Variants in TAFA1 observed in about 807,000 individuals in gnomAD.
TAFA1 encodes TAFA chemokine like family member 1, also known as chemokine-like protein TAFA-1.
In TAFA1, 4 loss-of-function variants were observed where a neutral mutation model predicts 18.5. The ratio of observed to expected loss-of-function variants is 0.22; its 90% CI spans 0.11 to 0.49. TAFA1 has a LOEUF of 0.49. TAFA1 is among the 20% of genes least tolerant of loss of function. The pLI is 0.98. For missense variants in TAFA1, 147 were observed against 169.0 expected (o/e 0.87, Z 0.72); for synonymous variants, 56 against 55.2 (o/e 1.01, Z -0.06).
intron 3 of TAFA1, among the ~76,000 whole-genome samples, chr3:68,451,902 T>C (rs747932485): frequency 1.4e-4 from 22 of 152,198 alleles, no homozygotes; most frequent in Non-Finnish European, 3.2e-4. Flanking sequence ...TGGGAGACCA[T>C]ACATTTAATG....
intron 3 of TAFA1, among the ~76,000 whole-genome samples, chr3:68,452,843 T>C (rs1394585287): frequency 6.6e-6 from 1 of 152,214 alleles, no homozygotes; most frequent in Non-Finnish European, 1.5e-5. Context: ...GCAATCATTA[T>C]TTAAGGCATT....
chr3:68,435,872 A>G (rs1427774905), intron 3 of TAFA1, among the ~76,000 whole-genome samples: 1 of 152,204 alleles, frequency 6.6e-6, no homozygotes, highest in Admixed American at 6.5e-5. Context: ...GGGAAATTAA[A>G]GAGTACGATT....
At chr3:68,478,916 GTATA>G (rs71112646) in intron 3 of TAFA1, among the ~76,000 whole-genome samples, 3 of 146,678 alleles carry the variant, frequency 2.0e-5, no homozygotes, top group African/African-American at 5.0e-5. Flanking sequence ...GTATATGTGT[GTATA>G]TATATATATA....
intron 2 of TAFA1, among the ~76,000 whole-genome samples, chr3:68,387,586 G>A (rs2070131978): frequency 6.6e-6 from 1 of 152,082 alleles, no homozygotes; most frequent in Non-Finnish European, 1.5e-5. Context: ...ACATTATGAT[G>A]GGTGCTGGGG....
rs566915692 is a variant in TAFA1, at chr3:68,322,395, C to A, written c.119-94885C>A. 2.0e-5 allele frequency among the ~76,000 whole-genome samples: 3 copies of A among 152,344 alleles called. No homozygotes were observed. In the South Asian group the frequency reaches 6.2e-4, roughly 32 times the overall value. On this transcript the variant is annotated intron_variant, in intron 2 of 4. Transcript: ENST00000478136. The stretch of plus-strand genomic sequence containing the variant: ...TATACCCTTAGGAAGACACATACTT[C>A]ACTCAAGGAAGCCGGAGAGTCAAGT...
intron 2 of TAFA1, among the ~76,000 whole-genome samples, chr3:68,248,866 G>A (rs556378863): frequency 1.3e-5 from 2 of 152,148 alleles, no homozygotes; most frequent in Non-Finnish European, 1.5e-5. Context: ...TAGTTTTCCT[G>A]TCCAGCCCAC....
intron 2 of TAFA1, among the ~76,000 whole-genome samples, chr3:68,065,454 C>T (rs2064661249): frequency 6.6e-6 from 1 of 152,120 alleles, no homozygotes; most frequent in Non-Finnish European, 1.5e-5. Context: ...TAATGAACGA[C>T]TGATAGGGTC....
At chr3:68,244,519 C>T (rs987241649) in intron 2 of TAFA1, among the ~76,000 whole-genome samples, 5 of 152,102 alleles carry the variant, frequency 3.3e-5, no homozygotes, top group Admixed American at 2.0e-4. Flanking sequence ...TATGTCTCCC[C>T]TATTGAATCA....
At chr3:68,469,885 G>A (rs895732111) in intron 3 of TAFA1, among the ~76,000 whole-genome samples, 22 of 152,052 alleles carry the variant, frequency 1.4e-4, no homozygotes, top group African/African-American at 3.9e-4. Flanking sequence ...GAATCTATAG[G>A]GACACTGAAG....
intron 2 of TAFA1, among the ~76,000 whole-genome samples, chr3:68,212,725 G>A (rs1473433487): frequency 6.6e-6 from 1 of 151,914 alleles, no homozygotes; most frequent in African/African-American, 2.4e-5. Flanking sequence ...TTTTTTAAAA[G>A]TATGTCTAAA....
intron 2 of TAFA1, among the ~76,000 whole-genome samples, chr3:68,082,114 G>A (rs1053094586): frequency 3.3e-5 from 5 of 152,204 alleles, no homozygotes; most frequent in Admixed American, 6.5e-5. Flanking sequence ...GACTTGGAAA[G>A]GGAACTCCCT....
intron 2 of TAFA1, among the ~76,000 whole-genome samples, chr3:68,339,828 G>A (rs946184760): frequency 3.3e-5 from 5 of 152,074 alleles, no homozygotes; most frequent in African/African-American, 1.2e-4. Flanking sequence ...GAGGGGTGGA[G>A]GGGCTATGAT....
At chr3:68,410,704 G>GAAAAAA (rs1559657339) in intron 2 of TAFA1, among the ~76,000 whole-genome samples, 1 of 1,378 alleles carries the variant, frequency 7.3e-4, no homozygotes, top group African/African-American at 3.0e-3. Flanking sequence ...TTTTCCATAA[G>GAAAAAA]CAAAAAAAAA....
At chr3:68,363,733 T>C (rs2069516717) in intron 2 of TAFA1, among the ~76,000 whole-genome samples, 1 of 152,224 alleles carries the variant, frequency 6.6e-6, no homozygotes, top group Admixed American at 6.5e-5. Context: ...TAAATCATTA[T>C]GCATTGGCTC....
At chr3:68,409,968 C>A (rs1216756730) in intron 2 of TAFA1, among the ~76,000 whole-genome samples, 2 of 152,102 alleles carry the variant, frequency 1.3e-5, no homozygotes. Flanking sequence ...GAAACATTAT[C>A]CTTCGCAATT....
chr3:68,141,174 G>T (rs139230171), intron 2 of TAFA1, among the ~76,000 whole-genome samples: 3 of 152,124 alleles, frequency 2.0e-5, no homozygotes, highest in Admixed American at 6.6e-5. Context: ...CGGGTCAATG[G>T]TGGGCAGCAG....
intron 1 of TAFA1, chr3:68,006,416 A>C: frequency 9.6e-6 from 5 of 520,660 alleles, no homozygotes; most frequent in Non-Finnish European, 1.0e-5. Context: ...TGTTTTGCAG[A>C]ATTAAGAAAA....
rs758966848 is a variant in TAFA1 at position 68,123,878 on chromosome 3, CAAAAAAAAAAAAAAAAAA to C, written c.118+117158_118+117175del. 5.3e-4 allele frequency among the ~76,000 whole-genome samples: 38 copies of C among 72,146 alleles called. 2 individuals are homozygous for C. The highest frequency in any genetic ancestry group is 1.7e-3 in the South Asian group (3 of 1,798). The allele number at this position is 72,146 out of a possible 152,430, so 47.3% of individuals were successfully genotyped here. On this transcript the variant is annotated intron_variant, in intron 2 of 4. Coordinates refer to ENST00000478136, the MANE Select transcript of TAFA1 (RefSeq NM_213609.4). ...TGACAAAGAACAACACTTTTTTTTCCAAAAAAAAAAAAAAAAAAAAAAAAAAAAAAAAAAAAAAAAAGC... is the reference window on the plus strand; with the variant it reads ...TGACAAAGAACAACACTTTTTTTTCCAAAAAAAAAAAAAAAAAAAAAAAGC...
intron 2 of TAFA1, among the ~76,000 whole-genome samples, chr3:68,193,443 C>T (rs189882873): frequency 7.8e-4 from 118 of 151,832 alleles, no homozygotes; most frequent in Non-Finnish European, 1.4e-3. Context: ...GCCTTTGAAA[C>T]TTAAAACAGC....
Sources: gnomAD v4.1 joint callset for allele counts (sites outside exome capture counted in the v4.1 genomes callset) on GRCh38, gnomAD v4.1.1 for gene constraint, MANE v1.5 for transcripts, NCBI Gene and HGNC (gene_info 2026-07-23, HGNC 2026-07-21) for gene names.